Variants in ADGRF5 observed in about 807,000 individuals in gnomAD.
ADGRF5 encodes adhesion G protein-coupled receptor F5.
Under a neutral mutation model 132.3 loss-of-function variants are expected in ADGRF5, and 75 were observed. That is an observed-to-expected ratio of 0.57 (90% CI 0.47 to 0.69). The LOEUF is 0.69. Ranked by LOEUF, ADGRF5 falls within the 30% of genes least tolerant of loss-of-function variation. ADGRF5 has a pLI of 0.00. For synonymous variants in ADGRF5, 629 were observed against 597.6 expected, an observed-to-expected ratio of 1.05 and a Z score of -0.77; for missense variants, 1,516 against 1,630.6, an observed-to-expected ratio of 0.93 and a Z score of 1.21.
intron 8 of ADGRF5, 101 bp downstream of exon 8, chr6:46,881,354 T>C (rs1772438001): frequency 4.0e-6 from 4 of 999,488 alleles, no homozygotes; most frequent in Admixed American, 1.9e-5. Flanking sequence ...TGCCAGGAAC[T>C]GGAGTGTCTA....
chr6:46,900,913 G>A (rs1774697990), intron 2 of ADGRF5, among the ~76,000 whole-genome samples: 1 of 152,160 alleles, frequency 6.6e-6, no homozygotes, highest in African/African-American at 2.4e-5. Context: ...TAAAATGTCT[G>A]TATGACCTTG....
chr6:46,877,228 T>C (rs996059456), intron 10 of ADGRF5, among the ~76,000 whole-genome samples: 4 of 21,142 alleles, frequency 1.9e-4, no homozygotes, highest in African/African-American at 6.7e-4. Context: ...ATTTCCTCTC[T>C]TTCTTTCTTT....
chr6:46,892,522 C>A (rs1314088780), intron 3 of ADGRF5, among the ~76,000 whole-genome samples: 2 of 152,054 alleles, frequency 1.3e-5, no homozygotes, highest in Non-Finnish European at 2.9e-5. Flanking sequence ...GAGGCTGAGG[C>A]GGGTGGATCA....
At chr6:46,941,421 G>GAAAAGAA (rs1198445591) in intron 1 of ADGRF5, among the ~76,000 whole-genome samples, 1,010 of 39,118 alleles carry the variant, frequency 0.026, 39 homozygotes, top group African/African-American at 0.075. Context: ...GAAAAGAAAA[G>GAAAAGAA]AAAAGAAAAG....
intron 1 of ADGRF5, among the ~76,000 whole-genome samples, chr6:46,941,129 G>A (rs1324262798): frequency 6.6e-6 from 1 of 151,996 alleles, no homozygotes; most frequent in African/African-American, 2.4e-5. Flanking sequence ...AAAGCCAGGA[G>A]TTTCAGACCA....
Position 46,881,518 on chromosome 6 carries a change from C to G in ADGRF5, c.751G>C (p.Val251Leu). The change falls in exon 8 of 21, where the codon GTT becomes CTT. Residue 251 changes from valine (V) to leucine (L), a missense_variant. Val to Leu is a conservative substitution (Grantham distance 32). This residue lies in a region of ADGRF5 where 945 missense variants were observed against 929.4 expected (regional missense o/e 1.02). Transcript: ENST00000283296. ...LELIHKANEQ[V>L]VQSLNQTYKM... is the part of the protein sequence containing the mutation. ...TAGGTCTGATTGAGGCTCTGTACAA[C>G]TTGTTCATTGGCTTTATGTATTAAC... The G allele has an allele frequency of 6.2e-7, 1 of 1,613,408 alleles. No homozygotes were observed. The highest frequency in any genetic ancestry group is 8.5e-7 in the Non-Finnish European group (1 of 1,179,330).
chr6:46,854,828 T>C, intron 20 of ADGRF5: 1 of 886,868 alleles, frequency 1.1e-6, no homozygotes, highest in Non-Finnish European at 1.6e-6. Flanking sequence ...CCCCCAAACA[T>C]GCCCAATTGG....
intron 3 of ADGRF5, among the ~76,000 whole-genome samples, chr6:46,896,274 A>G (rs1031554159): frequency 6.6e-6 from 1 of 152,098 alleles, no homozygotes; most frequent in East Asian, 1.9e-4. Flanking sequence ...TCTTTCCCCC[A>G]TTCTTATTTC....
chr6:46,893,098 A>G (rs2150866349), intron 3 of ADGRF5, among the ~76,000 whole-genome samples: 1 of 123,198 alleles, frequency 8.1e-6, no homozygotes, highest in African/African-American at 2.8e-5. Context: ...GAATGGTTAC[A>G]AAAGACCTTT....
intron 19 of ADGRF5, among the ~76,000 whole-genome samples, chr6:46,856,463 C>T (rs1562132518): frequency 6.6e-6 from 1 of 152,124 alleles, no homozygotes; most frequent in African/African-American, 2.4e-5. Flanking sequence ...TATTTTAAAA[C>T]CTATTTAAAT....
At chr6:46,854,467 C>G (rs1340943718) in intron 20 of ADGRF5, among the ~76,000 whole-genome samples, 1 of 151,862 alleles carries the variant, frequency 6.6e-6, no homozygotes, top group Non-Finnish European at 1.5e-5. Flanking sequence ...CCTAGAGGCT[C>G]TACTGAAGGT....
intron 1 of ADGRF5, among the ~76,000 whole-genome samples, chr6:46,929,555 A>G (rs922748462): frequency 6.6e-6 from 1 of 150,452 alleles, no homozygotes; most frequent in Admixed American, 6.6e-5. Context: ...AAAAAAAGAT[A>G]TCCCTTTCTC....
chr6:46,860,836 G>C lies in ADGRF5; in HGVS notation c.2258C>G (p.Ser753Cys). The C allele has an allele frequency of 6.2e-7, 1 of 1,613,850 alleles. No homozygotes were observed. Among genetic ancestry groups the C allele is most frequent in the Non-Finnish European group, 8.5e-7 (1 of 1,179,746 alleles). The change falls in exon 16 of 21, where the codon TCT becomes TGT. Residue 753 changes from serine (S) to cysteine (C), a missense_variant. Around this residue, in one of 2 missense-constraint regions of ADGRF5, gnomAD observed 945 missense variants for 929.4 expected, o/e 1.02. Transcript: ENST00000283296. Reference sequence around the variant, plus strand: ...ATGTTCCGCTTTGTCTATGCTAATAGAAAGATCCTTCAGGTATGTAGGGAG... The same window carrying C: ...ATGTTCCGCTTTGTCTATGCTAATACAAAGATCCTTCAGGTATGTAGGGAG... ...EMLPTYLKDL[S>C]ISIDKAEHEI...
upstream of ADGRF5, among the ~76,000 whole-genome samples, chr6:46,925,528 A>T (rs964924736): frequency 6.6e-6 from 1 of 151,064 alleles, no homozygotes; most frequent in African/African-American, 2.4e-5. Context: ...AGGCCAAGAC[A>T]GGTGGATTAC....
intron 1 of ADGRF5, among the ~76,000 whole-genome samples, chr6:46,914,078 C>A (rs546991322): frequency 3.1e-4 from 47 of 152,304 alleles, no homozygotes; most frequent in African/African-American, 1.1e-3. Flanking sequence ...AAGCATTCTA[C>A]TACTAAAGAA....
chr6:46,888,748 G>C (rs917875194), intron 3 of ADGRF5, among the ~76,000 whole-genome samples: 13 of 152,196 alleles, frequency 8.5e-5, no homozygotes, highest in African/African-American at 3.1e-4. Flanking sequence ...CGGAAGCAGA[G>C]AGAATAGCAG....
At chr6:46,889,179 G>A (rs1034026760) in intron 3 of ADGRF5, among the ~76,000 whole-genome samples, 2 of 88,606 alleles carry the variant, frequency 2.3e-5, no homozygotes, top group Admixed American at 1.1e-4. Context: ...GTGTGTGTAT[G>A]TGTATACATA....
At chr6:46,912,287 T>C (rs555487775) in intron 1 of ADGRF5, among the ~76,000 whole-genome samples, 3 of 152,286 alleles carry the variant, frequency 2.0e-5, no homozygotes, top group Admixed American at 1.3e-4. Context: ...AGGGGAAGTA[T>C]TTATTTGAGC....
rs755080517 is a variant in ADGRF5 at position 46,858,961 on chromosome 6, T to C, written c.2942A>G (p.Asp981Gly). Residue 981 changes from aspartate (D) to glycine (G), a missense_variant, in exon 17 of 21, where the codon GAC becomes GGC. This residue lies in a region of ADGRF5 where 571 missense variants were observed against 701.2 expected (regional missense o/e 0.81). Transcript: ENST00000283296. Reference protein sequence around the residue: ...SGCYVEEGDGDNVTCICDHLT... With the variant: ...SGCYVEEGDGGNVTCICDHLT... ...GTGGTCACAGATACAGGTGACATTG[T>C]CCCCATCACCTTCTTCTACATAGCA... The C allele has an allele frequency of 5.0e-6, 8 of 1,612,956 alleles. No individual in the cohort carries two copies. The African/African-American group carries it at 8.0e-5, about 16-fold the overall frequency.
Sources: gnomAD v4.1 joint callset for allele counts (sites outside exome capture counted in the v4.1 genomes callset) on GRCh38, gnomAD v4.1.1 for gene constraint, gnomAD v4.1.1 regional missense constraint, MANE v1.5 for transcripts, NCBI Gene and HGNC (gene_info 2026-07-23, HGNC 2026-07-21) for gene names.